The following C14orf39 variants were observed in gnomAD, a reference collection of about 807,000 sequenced individuals.
C14orf39 encodes chromosome 14 open reading frame 39, also known as protein SIX6OS1.
Under a neutral mutation model 85.6 loss-of-function variants are expected in C14orf39, and 66 were observed. The observed-to-expected ratio is 0.77, with a 90% CI of 0.63 to 0.95. The LOEUF (loss-of-function observed/expected upper bound fraction) is 0.95. Ranked by LOEUF, C14orf39 falls within the 40% of genes least tolerant of loss-of-function variation. C14orf39 has a pLI of 0.00. For missense variants in C14orf39, 735 were observed against 663.9 expected (o/e 1.11, Z -1.18); for synonymous variants, 242 against 214.0 (o/e 1.13, Z -1.14).
At chr14:60,480,442 G>C (rs1189590636) in intron 4 of C14orf39, among the ~76,000 whole-genome samples, 3 of 151,932 alleles carry the variant, frequency 2.0e-5, no homozygotes, top group Admixed American at 2.0e-4. Flanking sequence ...AAATAAAAAA[G>C]GTGAATAACA....
intron 16 of C14orf39, among the ~76,000 whole-genome samples, chr14:60,450,778 C>A (rs1116854): frequency 0.17 from 26,515 of 152,128 alleles, 3,797 homozygotes; most frequent in African/African-American, 0.39. Context: ...CACCTCCCCC[C>A]ACTCCAGGCA....
intron 1 of C14orf39, chr14:60,512,837 C>T (rs1265442073): frequency 6.6e-6 from 1 of 152,206 alleles, no homozygotes; most frequent in Non-Finnish European, 1.5e-5. Flanking sequence ...TAAAATTTGA[C>T]ATTGATCTTT....
At chr14:60,464,618 CAT>C in intron 11 of C14orf39, among the ~76,000 whole-genome samples, 1 of 152,114 alleles carries the variant, frequency 6.6e-6, no homozygotes, top group East Asian at 1.9e-4. Context: ...ATATTTACCC[CAT>C]TAATGCTTTT....
intron 1 of C14orf39, among the ~76,000 whole-genome samples, chr14:60,513,754 G>A (rs964660511): frequency 1.3e-5 from 2 of 152,180 alleles, no homozygotes; most frequent in African/African-American, 4.8e-5. Flanking sequence ...CCATTCCGCA[G>A]TGTCAAGAAA....
intron 1 of C14orf39, among the ~76,000 whole-genome samples, chr14:60,503,806 AT>A (rs1555360638): frequency 6.6e-6 from 1 of 152,224 alleles, no homozygotes; most frequent in Non-Finnish European, 1.5e-5. Context: ...TTAGGAACAG[AT>A]TTTATTAACA....
chr14:60,438,836 A>G (rs1890378564), intron 17 of C14orf39, among the ~76,000 whole-genome samples: 1 of 152,180 alleles, frequency 6.6e-6, no homozygotes, highest in African/African-American at 2.4e-5. Context: ...CATACTTGAG[A>G]CACACTGAGT....
rs75147300 is a variant in C14orf39 at position 60,464,868 on chromosome 14, C to T, written c.972+1111G>A. Among the ~76,000 whole-genome samples the T allele has an allele frequency of 8.9e-3, 1,348 of 152,080 alleles. 12 individuals carry two copies. The highest frequency in any genetic ancestry group is 0.03 in the African/African-American group (1,228 of 41,494). ...ATTTGTTCAGAACTATTTCTGGCAC[C>T]TTATTCGTTTTCTATTTACAATGCT... is the stretch of plus-strand genomic sequence containing the variant. On this transcript the variant is annotated intron_variant, in intron 11 of 17. Coordinates refer to ENST00000321731, the MANE Select transcript of C14orf39 (RefSeq NM_174978.3).
Position 60,485,083 on chromosome 14 carries a change from G to C in C14orf39, c.-5C>G, listed in dbSNP as rs777023887. On this transcript the variant is annotated 5_prime_UTR_variant, in exon 2 of 18. It adds an upstream start codon to the 5' untranslated region. Transcript: ENST00000321731. The stretch of plus-strand genomic sequence containing the variant: ...GACAAACAGGCTGTCATTCATCTTG[G>C]ATACTATGTTAAATGAAAAAAAAAA... 6 of 1,605,148 alleles carry C rather than the reference G, an allele frequency of 3.7e-6. No homozygotes were observed. The East Asian group carries it at 1.1e-4, about 30-fold the overall frequency.
intron 5 of C14orf39, among the ~76,000 whole-genome samples, chr14:60,473,853 T>G (rs550925259): frequency 1.3e-5 from 2 of 152,298 alleles, no homozygotes; most frequent in Admixed American, 6.5e-5. Flanking sequence ...TCCAGCTTTG[T>G]TCTTTTGGCT....
chr14:60,468,362 T>C (rs1032618493), intron 9 of C14orf39, 83 bp downstream of exon 9: 32 of 692,670 alleles, frequency 4.6e-5, no homozygotes, highest in Non-Finnish European at 6.8e-5. Context: ...TAAATATTAG[T>C]GGTTTGGGAT....
At chr14:60,442,209 G>A (rs1890549241) in intron 16 of C14orf39, 78 bp from the exon 17 acceptor site, 5 of 890,276 alleles carry the variant, frequency 5.6e-6, no homozygotes, top group Non-Finnish European at 7.0e-6. Flanking sequence ...TGAATCTAAA[G>A]CTTAGTTCTT....
chr14:60,478,374 A>C lies in C14orf39; in HGVS notation c.249T>G (p.Cys83Trp). 1 of 1,573,944 alleles carries C rather than the reference A, an allele frequency of 6.4e-7. No homozygotes were observed. Among genetic ancestry groups the C allele is most frequent in the Non-Finnish European group, 8.6e-7 (1 of 1,163,166 alleles). ...KDNCRNWKPT[C>W]DVFRKHEDYM... The stretch of plus-strand genomic sequence containing the variant: ...AATCTTCATGTTTACGAAAAACATC[A>C]CATGTTGGCTTCCAGCTATAGAAAA... Residue 83 changes from cysteine to tryptophan, a missense_variant, in exon 5 of 18, where the codon TGT (cysteine) becomes TGG (tryptophan). Coordinates refer to ENST00000321731, the MANE Select transcript of C14orf39 (RefSeq NM_174978.3).
chr14:60,474,649 T>C (rs1163964046), intron 5 of C14orf39, among the ~76,000 whole-genome samples: 2 of 152,172 alleles, frequency 1.3e-5, no homozygotes, highest in East Asian at 3.9e-4. Flanking sequence ...TCTGCACCTA[T>C]TGAGATAATC....
intron 17 of C14orf39, among the ~76,000 whole-genome samples, chr14:60,440,822 G>T (rs1473990308): frequency 6.6e-6 from 1 of 151,854 alleles, no homozygotes; most frequent in East Asian, 1.9e-4. Flanking sequence ...AATTTTCAAC[G>T]AACATACTGA....
At chr14:60,454,908 C>A (rs1891197870) in intron 16 of C14orf39, 93 bp downstream of exon 16, 1 of 964,244 alleles carries the variant, frequency 1.0e-6, no homozygotes, top group Non-Finnish European at 1.5e-6. Flanking sequence ...TGTTGATAAT[C>A]TGCCCCAAGA....
chr14:60,477,113 TTC>T (rs1031951014), intron 5 of C14orf39, among the ~76,000 whole-genome samples: 2 of 152,198 alleles, frequency 1.3e-5, no homozygotes, highest in Non-Finnish European at 2.9e-5. Context: ...TCATCTAAAA[TTC>T]TTTTTTAAAT....
At chr14:60,476,349 G>C (rs934671357) in intron 5 of C14orf39, among the ~76,000 whole-genome samples, 1 of 152,160 alleles carries the variant, frequency 6.6e-6, no homozygotes, top group African/African-American at 2.4e-5. Context: ...CTAAGTCATA[G>C]TTAAACAAGA....
In C14orf39 at chr14:60,462,424, ATT is replaced by A. The variant is rs748946625; in HGVS notation, c.973-833_973-832del. On this transcript the variant is annotated intron_variant, in intron 11 of 17. Transcript: ENST00000321731. ...ATTGTTTAATATCAATATCTAAACC[ATT>A]ATTTTATTAACGTTTCTTTCAAGCC... Among the ~76,000 whole-genome samples, 4 of 152,264 alleles carry A rather than the reference ATT, an allele frequency of 2.6e-5. No homozygotes were observed. The East Asian group carries it at 7.7e-4, about 29-fold the overall frequency.
At chr14:60,487,008 A>C (rs1416186451), upstream of C14orf39, among the ~76,000 whole-genome samples, 1 of 152,152 alleles carries the variant, frequency 6.6e-6, no homozygotes, top group Non-Finnish European at 1.5e-5. Context: ...TAAAAATTGT[A>C]TTTACCACGT....
Sources: allele counts gnomAD v4.1 joint callset (sites outside exome capture counted in the v4.1 genomes callset), GRCh38; gene constraint gnomAD v4.1.1; transcripts MANE v1.5; gene names NCBI Gene and HGNC (gene_info 2026-07-23, HGNC 2026-07-21).